The following RPGRIP1L variants were observed in gnomAD, a reference collection of about 807,000 sequenced individuals.
The protein encoded by RPGRIP1L is protein fantom.
A neutral mutation model predicts 160.4 loss-of-function variants in RPGRIP1L; 131 were observed. The ratio of observed to expected loss-of-function variants is 0.82; its 90% CI spans 0.71 to 0.94. The LOEUF (loss-of-function observed/expected upper bound fraction) is 0.94, where lower values mean the gene tolerates loss of function less well. Among genes scored for constraint, RPGRIP1L ranks in the 40% least tolerant of loss-of-function variants. The probability of loss-of-function intolerance (pLI) is 0.00; values close to 1 mark genes in which losing one functional copy is unlikely to be tolerated. For missense variants in RPGRIP1L, 1,522 were observed against 1,535.8 expected (o/e 0.99, Z 0.15); for synonymous variants, 510 against 515.8 (o/e 0.99, Z 0.15).
chr16:53,646,064 GC>G (rs1966527761), intron 16 of RPGRIP1L, 61 bp from the exon 17 acceptor site: 1 of 1,465,152 alleles, frequency 6.8e-7, no homozygotes, highest in African/African-American at 1.4e-5. Flanking sequence ...AACAGCAGCT[GC>G]CAAGCCCCAA....
In RPGRIP1L at chr16:53,648,996, A is replaced by G. The variant is rs1278157548; in HGVS notation, c.2272T>C (p.Ser758Pro). The G allele has an allele frequency of 6.2e-7, 1 of 1,613,928 alleles. No homozygotes were observed. Among genetic ancestry groups the G allele is most frequent in the Non-Finnish European group, 8.5e-7 (1 of 1,179,950 alleles). ...ERAKALGYITSNFKGPEHMQS... is the reference protein window; with the variant it reads ...ERAKALGYITPNFKGPEHMQS... ...ATATGCTCTGGCCCCTTAAAATTTGATGTTATATACCCCAAAGCCTTTGCC... is the reference window on the plus strand; with the variant it reads ...ATATGCTCTGGCCCCTTAAAATTTGGTGTTATATACCCCAAAGCCTTTGCC... The change falls in exon 16 of 27, where the codon TCA becomes CCA. Residue 758 changes from serine to proline, a missense_variant. Transcript: ENST00000647211.
chr16:53,621,612 T>C (rs191562723), intron 23 of RPGRIP1L, among the ~76,000 whole-genome samples: 2 of 152,262 alleles, frequency 1.3e-5, no homozygotes, highest in Admixed American at 6.5e-5. Flanking sequence ...AGCTTTTATC[T>C]AAGAAAGTAA....
chr16:53,649,320 A>G (rs1156492154), intron 15 of RPGRIP1L, among the ~76,000 whole-genome samples: 1 of 152,176 alleles, frequency 6.6e-6, no homozygotes, highest in Non-Finnish European at 1.5e-5. Flanking sequence ...TGTATATTAA[A>G]TATTATTAAA....
chr16:53,601,972 T>A lies in RPGRIP1L; in HGVS notation c.*104A>T, dbSNP rs1438876295. The A allele has an allele frequency of 5.4e-6, 4 of 743,842 alleles. No individual in the cohort carries two copies. The highest frequency in any genetic ancestry group is 2.7e-5 in the East Asian group (1 of 37,004). 46.1% of individuals were successfully genotyped at this position (743,842 alleles called of 1,614,324 possible). A position where few individuals can be genotyped will look rare whatever the true frequency, so the allele number is the denominator to read the frequency against. ...AGGTCTCCCCGCTCCCAGCTTCCCATGAATTATAGATTATATACACCAGAG... is the reference window on the plus strand; with the variant it reads ...AGGTCTCCCCGCTCCCAGCTTCCCAAGAATTATAGATTATATACACCAGAG... On this transcript the variant is annotated 3_prime_UTR_variant, in exon 27 of 27. Coordinates refer to ENST00000647211, the MANE Select transcript of RPGRIP1L (RefSeq NM_015272.5).
chr16:53,652,764 T>C lies in RPGRIP1L; in HGVS notation c.1923A>G (p.Glu641=), dbSNP rs1333983752. 1 of 1,614,144 alleles carries C rather than the reference T, an allele frequency of 6.2e-7. No individual in the cohort carries two copies. The highest frequency in any genetic ancestry group is 1.1e-5 in the South Asian group (1 of 91,082). Residue 641 remains glutamate (E), a synonymous_variant, in exon 15 of 27, where the codon GAA becomes GAG. Transcript: ENST00000647211. ...CTCGCACTACGGGAGTTGTCTGTAG[T>C]TCAAAATCATAGAAAGCATAGGTAC... ...TFCTYAFYDF[E]LQTTPVVRGL... is the part of the protein sequence containing the mutation.
At chr16:53,643,307 A>G (rs1966354023) in intron 17 of RPGRIP1L, among the ~76,000 whole-genome samples, 1 of 107,392 alleles carries the variant, frequency 9.3e-6, no homozygotes. Context: ...GACTCCATCT[A>G]AAAAAAAAAA....
intron 4 of RPGRIP1L, 38 bp downstream of exon 4, chr16:53,692,028 A>G (rs761603051): frequency 1.9e-6 from 3 of 1,586,028 alleles, no homozygotes; most frequent in Admixed American, 3.3e-5. Flanking sequence ...ACAATCTAAT[A>G]AGACTTCAGT....
At chr16:53,657,788 G>A (rs1185146098) in intron 12 of RPGRIP1L, among the ~76,000 whole-genome samples, 156 bp from the exon 13 acceptor site, 1 of 151,848 alleles carries the variant, frequency 6.6e-6, no homozygotes, top group African/African-American at 2.4e-5. Context: ...TATATATCAG[G>A]ACTGCTTCAT....
At chr16:53,660,253 A>T (rs1462941700) in intron 10 of RPGRIP1L, among the ~76,000 whole-genome samples, 1 of 152,176 alleles carries the variant, frequency 6.6e-6, no homozygotes, top group Non-Finnish European at 1.5e-5. Flanking sequence ...TGTCATCTAA[A>T]GTATCTCTAC....
intron 7 of RPGRIP1L, among the ~76,000 whole-genome samples, chr16:53,673,557 G>T (rs1314293384): frequency 6.6e-6 from 1 of 151,990 alleles, no homozygotes; most frequent in Non-Finnish European, 1.5e-5. Flanking sequence ...TGACCATGCT[G>T]TAAATTCAAT....
intron 6 of RPGRIP1L, among the ~76,000 whole-genome samples, chr16:53,685,772 C>G (rs568498606): frequency 6.6e-6 from 1 of 152,172 alleles, no homozygotes; most frequent in African/African-American, 2.4e-5. Flanking sequence ...GGTTTAATAT[C>G]TGGGTGACGG....
intron 21 of RPGRIP1L, among the ~76,000 whole-genome samples, chr16:53,637,372 A>C (rs1965905302): frequency 6.6e-6 from 1 of 152,188 alleles, no homozygotes; most frequent in African/African-American, 2.4e-5. Flanking sequence ...TCAATTTTTA[A>C]AAAGTCAAGA....
At chr16:53,674,254 T>C (rs2031778378) in intron 7 of RPGRIP1L, among the ~76,000 whole-genome samples, 1 of 152,162 alleles carries the variant, frequency 6.6e-6, no homozygotes, top group South Asian at 2.1e-4. Flanking sequence ...GACCCTTTGC[T>C]TTGCATCAAT....
chr16:53,623,581 T>C (rs963722916), intron 22 of RPGRIP1L, among the ~76,000 whole-genome samples: 47 of 152,234 alleles, frequency 3.1e-4, no homozygotes, highest in African/African-American at 1.0e-3. Flanking sequence ...CTGTTATTTA[T>C]TGTGTGAAAT....
chr16:53,645,520 G>A (rs1297709419), intron 17 of RPGRIP1L, 105 bp downstream of exon 17: 5 of 1,059,978 alleles, frequency 4.7e-6, no homozygotes, highest in Non-Finnish European at 6.7e-6. Flanking sequence ...TTTAAAGACT[G>A]AGAAGAGGTT....
chr16:53,652,857 A>G lies in RPGRIP1L; in HGVS notation c.1830T>C (p.His610=), dbSNP rs780359788. 3.7e-6 allele frequency: 6 copies of G among 1,612,978 alleles called. No individual in the cohort carries two copies. Among genetic ancestry groups the G allele is most frequent in the South Asian group, 1.1e-5 (1 of 90,834 alleles). ...CAGAAGAAAAGGTTACTTTGTTGAT[A>G]TGGATTTCAAATAGATTTTCGCCTC... ...LERGENLFEI[H]INKVTFSSEV... Residue 610 remains histidine (H), a synonymous_variant, in exon 15 of 27, where the codon CAT becomes CAC. Coordinates refer to ENST00000647211, the MANE Select transcript of RPGRIP1L (RefSeq NM_015272.5).
intron 22 of RPGRIP1L, among the ~76,000 whole-genome samples, chr16:53,634,591 C>T (rs1284413647): frequency 6.6e-6 from 1 of 152,058 alleles, no homozygotes; most frequent in Non-Finnish European, 1.5e-5. Context: ...TAGATTAATG[C>T]CCTCACTCTG....
intron 22 of RPGRIP1L, among the ~76,000 whole-genome samples, chr16:53,631,177 G>T (rs1965494971): frequency 6.6e-6 from 1 of 152,148 alleles, no homozygotes; most frequent in Admixed American, 6.5e-5. Context: ...GAATTCTAAA[G>T]CGAGTGAATT....
In RPGRIP1L at chr16:53,686,475, A is replaced by G; in HGVS notation, c.734T>C (p.Leu245Ser). 2 of 1,613,634 alleles carry G rather than the reference A, an allele frequency of 1.2e-6. No homozygotes were observed. Among genetic ancestry groups the G allele is most frequent in the Non-Finnish European group, 1.7e-6 (2 of 1,179,790 alleles). Residue 245 changes from leucine (L) to serine (S), a missense_variant, in exon 6 of 27, where the codon TTA becomes TCA. Physicochemically the swap from Leu to Ser is moderately radical, Grantham distance 145 (BLOSUM62 -2). Coordinates refer to ENST00000647211, the MANE Select transcript of RPGRIP1L (RefSeq NM_015272.5). Reference sequence around the variant, plus strand: ...CTGTTCTCGAAGCTGAAGAAGAGATAACTCAATTTCATTTTCTTTTCTCCT... The same window carrying G: ...CTGTTCTCGAAGCTGAAGAAGAGATGACTCAATTTCATTTTCTTTTCTCCT... Reference protein sequence around the residue: ...QLRRKENEIELSLLQLREQQA... With the variant: ...QLRRKENEIESSLLQLREQQA...
Sources: allele counts gnomAD v4.1 joint callset (sites outside exome capture counted in the v4.1 genomes callset), GRCh38; gene constraint gnomAD v4.1.1; transcripts MANE v1.5; gene names NCBI Gene and HGNC (gene_info 2026-07-23, HGNC 2026-07-21).